The following MYO1F variants were observed in gnomAD, a reference collection of about 807,000 sequenced individuals.
The protein encoded by MYO1F is unconventional myosin-If.
Under a neutral mutation model 146.6 loss-of-function variants are expected in MYO1F, and 60 were observed. The observed-to-expected ratio is 0.41, with a 90% CI of 0.33 to 0.51. MYO1F has a LOEUF of 0.51. Ranked by LOEUF, MYO1F falls within the 20% of genes least tolerant of loss-of-function variation. The pLI, the probability that MYO1F is intolerant of heterozygous loss-of-function variation, is 0.25. For missense variants in MYO1F, 1,274 were observed against 1,534.3 expected, an observed-to-expected ratio of 0.83 and a Z score of 2.83; for synonymous variants, 602 against 602.1, an observed-to-expected ratio of 1.00 and a Z score of 0.00.
intron 1 of MYO1F, among the ~76,000 whole-genome samples, chr19:8,574,577 T>TTCTTTCTTTCTTTCTTTCTTTCTCTC (rs1335184271): frequency 3.8e-5 from 3 of 79,742 alleles, no homozygotes; most frequent in Non-Finnish European, 7.2e-5. Context: ...CTTTCTTTCT[T>TTCTTTCTTTCTTTCTTTCTTTCTCTC]TCTCTCTCTC....
At chr19:8,555,518 G>T in intron 2 of MYO1F, 141 bp downstream of exon 2, 1 of 1,165,210 alleles carries the variant, frequency 8.6e-7, no homozygotes, top group Non-Finnish European at 1.2e-6. Context: ...GAGCCCTGCT[G>T]TCACTCTGTC....
intron 1 of MYO1F, among the ~76,000 whole-genome samples, chr19:8,570,572 G>A (rs947296512): frequency 2.6e-5 from 4 of 151,930 alleles, no homozygotes; most frequent in African/African-American, 9.7e-5. Flanking sequence ...TCACCACGTT[G>A]GCCAGGCTGG....
chr19:8,530,520 G>A lies in MYO1F; in HGVS notation c.2097C>T (p.Thr699=). 6.2e-7 allele frequency: 1 copy of A among 1,613,660 alleles called. No homozygotes were observed. The part of the protein sequence containing the change: ...RERKFDGFAR[T]IQKAWRRHVA... ...CGTGGCGCCGCCAGGCCTTCTGGAT[G>A]GTTCGGGCAAAGCCATCGAACTTTC... The change falls in exon 20 of 28, where the codon ACC becomes ACT. Residue 699 remains threonine, a synonymous_variant. Coordinates refer to ENST00000644032, the MANE Select transcript of MYO1F (RefSeq NM_012335.4). This position sits in a 1 kb window ranked among gnomAD's most constrained non-coding sequence, Gnocchi z 5.8.
chr19:8,559,608 C>G (rs1452041557), intron 1 of MYO1F, among the ~76,000 whole-genome samples: 1 of 151,960 alleles, frequency 6.6e-6, no homozygotes, highest in African/African-American at 2.4e-5. Flanking sequence ...GTGCCCCTCC[C>G]CAAGCCTGAG....
At chr19:8,576,893 A>G (rs943539302) in intron 1 of MYO1F, 5 of 292,502 alleles carry the variant, frequency 1.7e-5, no homozygotes, top group Non-Finnish European at 6.6e-6. Context: ...CAAATATGAC[A>G]TCTGTGGGAA....
At chr19:8,547,351 A>C (rs1048550422) in intron 12 of MYO1F, among the ~76,000 whole-genome samples, 10 of 148,618 alleles carry the variant, frequency 6.7e-5, no homozygotes, top group African/African-American at 2.5e-4. Flanking sequence ...CCCATCTGTA[A>C]TCCCAGCACT....
chr19:8,536,910 C>CT, intron 17 of MYO1F, 39 bp downstream of exon 17: 2 of 1,465,200 alleles, frequency 1.4e-6, no homozygotes, highest in Non-Finnish European at 1.9e-6. Context: ...ACTGCAGGGC[C>CT]TGGGGGGAAT....
rs545139124 is a variant in MYO1F at position 8,530,733 on chromosome 19, G to A, written c.2044-160C>T. Among the ~76,000 whole-genome samples the A allele has an allele frequency of 6.6e-6, 1 of 152,152 alleles. No individual in the cohort carries two copies. Among genetic ancestry groups the A allele is most frequent in the African/African-American group, 2.4e-5 (1 of 41,544 alleles). ...AGGCGGGGTCTTTCTAGTGACACTC[G>A]TTCATAAAGAAAAGAAGAAAAAGGG... On this transcript the variant is annotated intron_variant, in intron 19 of 27. Transcript: ENST00000644032. The surrounding 1 kb of genome is among the most constrained non-coding windows in gnomAD (Gnocchi z 5.8).
chr19:8,554,986 C>A (rs934736679), intron 2 of MYO1F, among the ~76,000 whole-genome samples: 2 of 151,988 alleles, frequency 1.3e-5, no homozygotes, highest in African/African-American at 4.8e-5. Flanking sequence ...GAGTTTGAGA[C>A]CAGCCTGGCC....
intron 12 of MYO1F, among the ~76,000 whole-genome samples, chr19:8,547,324 A>G (rs944029341): frequency 2.1e-5 from 3 of 141,872 alleles, no homozygotes; most frequent in South Asian, 4.5e-4. Context: ...AAAAAAAAAA[A>G]GCGGGGAATG....
At position 8,521,239 on chromosome 19, in the gene MYO1F, T is replaced by TA; in HGVS notation, c.*288dup. 2.1e-6 allele frequency: 1 copy of TA among 479,558 alleles called. No individual in the cohort carries two copies. The highest frequency in any genetic ancestry group is 2.0e-5 in the South Asian group (1 of 48,794). 29.7% of individuals were successfully genotyped at this position (479,558 alleles called of 1,614,324 possible). A position where few individuals can be genotyped will look rare whatever the true frequency, so the allele number is the denominator to read the frequency against. On this transcript the variant is annotated 3_prime_UTR_variant, in exon 28 of 28. Coordinates refer to ENST00000644032, the MANE Select transcript of MYO1F (RefSeq NM_012335.4). ...AGCACAGGACTCAAGACCCATTTCT[T>TA]AATCACATGGCAGTTGGGAGGTAGA...
intron 1 of MYO1F, among the ~76,000 whole-genome samples, chr19:8,561,852 G>A (rs34460450): frequency 0.06 from 9,139 of 151,554 alleles, 476 homozygotes; most frequent in African/African-American, 0.13. Flanking sequence ...GGGCAGCTGG[G>A]ACTATAGGCG....
At chr19:8,559,811 G>A (rs758128867) in intron 1 of MYO1F, among the ~76,000 whole-genome samples, 4 of 152,146 alleles carry the variant, frequency 2.6e-5, no homozygotes, top group African/African-American at 7.2e-5. Context: ...TTAGCTGGGC[G>A]TGGTGGCGCA....
intron 25 of MYO1F, among the ~76,000 whole-genome samples, chr19:8,523,321 C>CTG (rs935006239): frequency 1.3e-5 from 2 of 152,098 alleles, no homozygotes; most frequent in Non-Finnish European, 2.9e-5. Context: ...GCATGAGCCA[C>CTG]CGCGCCTGGC....
chr19:8,576,081 C>T (rs1012160693), intron 1 of MYO1F, among the ~76,000 whole-genome samples: 6 of 152,224 alleles, frequency 3.9e-5, no homozygotes, highest in Non-Finnish European at 8.8e-5. Context: ...ACTGCACCCT[C>T]CGCCTCCTGG....
At chr19:8,543,918 G>C (rs867874074) in intron 14 of MYO1F, 34 of 223,332 alleles carry the variant, frequency 1.5e-4, no homozygotes, top group African/African-American at 4.0e-4. Flanking sequence ...GGTGGTGGTG[G>C]TGGTGGTGGT....
chr19:8,551,264 C>A (rs774342013), intron 8 of MYO1F, among the ~76,000 whole-genome samples: 23 of 151,842 alleles, frequency 1.5e-4, no homozygotes, highest in Non-Finnish European at 2.1e-4. Context: ...GTTGGCCAGG[C>A]TGGTCTTGAA....
intron 21 of MYO1F, among the ~76,000 whole-genome samples, chr19:8,529,317 C>T (rs1017035116): frequency 1.3e-5 from 2 of 152,046 alleles, no homozygotes; most frequent in African/African-American, 4.8e-5. Context: ...GTGTACCTGG[C>T]CCGCCCAGGT....
At chr19:8,532,425 A>G (rs1049372941) in intron 19 of MYO1F, among the ~76,000 whole-genome samples, 4 of 152,162 alleles carry the variant, frequency 2.6e-5, no homozygotes, top group Non-Finnish European at 5.9e-5. Flanking sequence ...AAGGTGAGGA[A>G]CCTACTGGAT....
Sources: gnomAD v4.1 joint callset for allele counts (sites outside exome capture counted in the v4.1 genomes callset) on GRCh38, gnomAD v4.1.1 for gene constraint, Gnocchi (gnomAD v3.1) non-coding constraint, MANE v1.5 for transcripts, NCBI Gene and HGNC (gene_info 2026-07-23, HGNC 2026-07-21) for gene names.